Variants in WWOX observed in about 807,000 individuals in gnomAD.
WWOX encodes WW domain-containing oxidoreductase.
A neutral mutation model predicts 46.2 loss-of-function variants in WWOX; 69 were observed. The ratio of observed to expected loss-of-function variants is 1.49; its 90% confidence interval spans 1.23 to 1.82. WWOX has a LOEUF of 1.82. Among genes scored for constraint, WWOX ranks in the 40% most tolerant of loss-of-function variants. The pLI is 0.00. For synonymous variants in WWOX, 359 were observed against 202.6 expected (o/e 1.77, Z -6.56); for missense variants, 919 against 542.6 (o/e 1.69, Z -6.89).
intron 8 of WWOX, among the ~76,000 whole-genome samples, chr16:79,163,884 GA>G (rs10671742): frequency 0.053 from 7,239 of 136,368 alleles, 216 homozygotes; most frequent in South Asian, 0.094. Context: ...AAGAGAATTG[GA>G]AAAAAAAAAA....
At chr16:78,820,518 C>G (rs1597667600) in intron 8 of WWOX, among the ~76,000 whole-genome samples, 1 of 151,978 alleles carries the variant, frequency 6.6e-6, no homozygotes, top group Non-Finnish European at 1.5e-5. Flanking sequence ...TGGCCATTGC[C>G]CACTAAGAAA....
chr16:78,574,915 G>A (rs1486917713), intron 8 of WWOX, among the ~76,000 whole-genome samples: 1 of 142,302 alleles, frequency 7.0e-6, no homozygotes, highest in African/African-American at 2.6e-5. Context: ...TAATTAATTC[G>A]ATTGTGATAA....
chr16:78,982,760 A>G (rs939182332), intron 8 of WWOX, among the ~76,000 whole-genome samples: 10 of 152,238 alleles, frequency 6.6e-5, no homozygotes, highest in Non-Finnish European at 1.2e-4. Flanking sequence ...AGAAGTTTGC[A>G]TTAATAAATA....
intron 8 of WWOX, among the ~76,000 whole-genome samples, chr16:79,053,370 C>T (rs916434394): frequency 9.2e-5 from 14 of 152,030 alleles, no homozygotes; most frequent in Admixed American, 5.9e-4. Flanking sequence ...CTTCTTAGTG[C>T]GCACGTAAAG....
At chr16:78,515,656 C>T (rs913733644) in intron 8 of WWOX, among the ~76,000 whole-genome samples, 11 of 152,158 alleles carry the variant, frequency 7.2e-5, no homozygotes, top group Non-Finnish European at 1.2e-4. Flanking sequence ...GCTTTCTTGC[C>T]GGCCTCTCCT....
intron 8 of WWOX, among the ~76,000 whole-genome samples, chr16:79,146,161 C>A (rs955605097): frequency 6.6e-6 from 1 of 152,090 alleles, no homozygotes; most frequent in East Asian, 1.9e-4. Context: ...ATGAAGTAGG[C>A]TTATAATTTA....
chr16:78,735,394 AACACAC>A (rs35975130), intron 8 of WWOX, among the ~76,000 whole-genome samples: 17 of 121,386 alleles, frequency 1.4e-4, no homozygotes, highest in Admixed American at 4.6e-4. Flanking sequence ...ACCACACACA[AACACAC>A]ACACACACAC....
intron 8 of WWOX, among the ~76,000 whole-genome samples, chr16:78,560,489 C>T (rs1408424825): frequency 6.6e-6 from 1 of 152,016 alleles, no homozygotes; most frequent in Non-Finnish European, 1.5e-5. Context: ...ACTAAAAATA[C>T]AAAAATTAGC....
At chr16:78,101,521 C>A (rs1417245581) in intron 1 of WWOX, among the ~76,000 whole-genome samples, 23 of 151,956 alleles carry the variant, frequency 1.5e-4, no homozygotes, top group Non-Finnish European at 2.8e-4. Context: ...TAATTTCGCG[C>A]TGTTGGCCCG....
At chr16:78,596,581 G>T (rs924085499) in intron 8 of WWOX, among the ~76,000 whole-genome samples, 1 of 152,142 alleles carries the variant, frequency 6.6e-6, no homozygotes, top group Non-Finnish European at 1.5e-5. Flanking sequence ...GGTGTGCAAG[G>T]ACCAGCCAGC....
chr16:78,809,921 C>T (rs560323448), intron 8 of WWOX, among the ~76,000 whole-genome samples: 2 of 152,186 alleles, frequency 1.3e-5, no homozygotes, highest in Non-Finnish European at 2.9e-5. Context: ...TCCACACTCA[C>T]CTTCTCAAAG....
At chr16:78,176,871 T>C (rs546686492) in intron 5 of WWOX, among the ~76,000 whole-genome samples, 2 of 152,298 alleles carry the variant, frequency 1.3e-5, no homozygotes, top group South Asian at 4.2e-4. Flanking sequence ...AGGATGCATT[T>C]GCAGTGGTCT....
rs977062310 is a variant in WWOX at position 79,014,059 on chromosome 16, G to A, written c.1057-197549G>A. Among the ~76,000 whole-genome samples the A allele has an allele frequency of 6.6e-5, 10 of 152,194 alleles. No homozygotes were observed. The East Asian group carries it at 9.6e-4, about 15-fold the overall frequency. On this transcript the variant is annotated intron_variant, in intron 8 of 8. Coordinates refer to ENST00000566780, the MANE Select transcript of WWOX (RefSeq NM_016373.4). ...TAGAGACTGTCAATTCCTGAGAGCC[G>A]CTGGGGAACTGAGCAATCGTCTGCA...
At chr16:79,149,786 G>A (rs1354437972) in intron 8 of WWOX, among the ~76,000 whole-genome samples, 1 of 152,184 alleles carries the variant, frequency 6.6e-6, no homozygotes, top group African/African-American at 2.4e-5. Flanking sequence ...CACGTTGCTT[G>A]GTATACATCA....
chr16:78,919,584 C>G (rs1334838025), intron 8 of WWOX, among the ~76,000 whole-genome samples: 1 of 144,616 alleles, frequency 6.9e-6, no homozygotes, highest in Non-Finnish European at 1.5e-5. Context: ...ATGGCGCGAT[C>G]TCAGCTCACT....
intron 5 of WWOX, among the ~76,000 whole-genome samples, chr16:78,347,588 A>C (rs2081115864): frequency 8.3e-6 from 1 of 120,650 alleles, no homozygotes; most frequent in African/African-American, 2.8e-5. Context: ...CCAAGGAGAT[A>C]CTTGATAAAT....
chr16:78,684,159 G>C, intron 8 of WWOX, among the ~76,000 whole-genome samples: 1 of 152,204 alleles, frequency 6.6e-6, no homozygotes, highest in South Asian at 2.1e-4. Flanking sequence ...GCTTAGAGTT[G>C]GTTTCCCAAT....
At chr16:79,169,452 G>A (rs2050658563) in intron 8 of WWOX, among the ~76,000 whole-genome samples, 2 of 152,202 alleles carry the variant, frequency 1.3e-5, no homozygotes. Context: ...GTCTCACTGA[G>A]CACTATTCTT....
At chr16:78,224,514 T>G (rs375955952) in intron 5 of WWOX, among the ~76,000 whole-genome samples, 2 of 152,192 alleles carry the variant, frequency 1.3e-5, no homozygotes, top group East Asian at 3.8e-4. Context: ...TTATTTTTAA[T>G]AGCTGCCCAA....
Sources: allele counts gnomAD v4.1 joint callset (sites outside exome capture counted in the v4.1 genomes callset), GRCh38; gene constraint gnomAD v4.1.1; transcripts MANE v1.5; gene names NCBI Gene and HGNC (gene_info 2026-07-23, HGNC 2026-07-21).